SPATA13: variants seen among roughly 807,000 people sequenced by gnomAD.
SPATA13 encodes spermatogenesis associated 13.
In SPATA13, 50 loss-of-function variants were observed where a neutral mutation model predicts 104.0. That is an observed-to-expected ratio of 0.48 (90% CI 0.38 to 0.61). The LOEUF is 0.61. SPATA13 is among the 20% of genes least tolerant of loss of function. The pLI is 0.00. For synonymous variants in SPATA13, 606 were observed against 667.5 expected, an observed-to-expected ratio of 0.91 and a Z score of 1.42; for missense variants, 1,524 against 1,690.6, an observed-to-expected ratio of 0.90 and a Z score of 1.73.
chr13:23,999,790 T>A (rs1379731631), intron 2 of SPATA13, among the ~76,000 whole-genome samples: 2 of 152,254 alleles, frequency 1.3e-5, no homozygotes, highest in East Asian at 3.8e-4. Context: ...ATATGGTTCC[T>A]ATTACTTCAT....
In SPATA13 at chr13:24,051,086, C is replaced by A. The variant is rs548231135; in HGVS notation, c.-112+33385C>A. Among the ~76,000 whole-genome samples, 3 of 152,168 alleles carry A rather than the reference C, an allele frequency of 2.0e-5. No individual in the cohort carries two copies. Among genetic ancestry groups the A allele is most frequent in the African/African-American group, 7.2e-5 (3 of 41,440 alleles). ...CTGTGGGAGCACCTCTTTCCTTCTC[C>A]GGATTTCCCCCACCTTTTATGAATG... On this transcript the variant is annotated intron_variant, in intron 3 of 14. Transcript: ENST00000424834. The surrounding 1 kb of genome is among the most constrained non-coding windows in gnomAD (Gnocchi z 4.2).
intron 1 of SPATA13, among the ~76,000 whole-genome samples, chr13:24,183,755 G>A (rs1422502588): frequency 4.6e-5 from 7 of 152,066 alleles, no homozygotes; most frequent in African/African-American, 1.7e-4. Flanking sequence ...GCTAATGGTG[G>A]CCGTACCTGT....
At chr13:24,078,020 A>T (rs1320765476) in intron 3 of SPATA13, among the ~76,000 whole-genome samples, 1 of 151,750 alleles carries the variant, frequency 6.6e-6, no homozygotes, top group East Asian at 1.9e-4. Context: ...CCCCACACTA[A>T]CTTTGCAAAC....
At chr13:24,147,430 G>A (rs898748697) in intron 3 of SPATA13, among the ~76,000 whole-genome samples, 1 of 152,152 alleles carries the variant, frequency 6.6e-6, no homozygotes, top group Non-Finnish European at 1.5e-5. Flanking sequence ...TGCCCTACAC[G>A]TTAATGCTGG....
At chr13:24,248,845 T>C (rs571301772) in intron 2 of SPATA13, among the ~76,000 whole-genome samples, 4 of 152,154 alleles carry the variant, frequency 2.6e-5, no homozygotes, top group South Asian at 4.1e-4. Context: ...ATGATAGTTA[T>C]AAAGTTCATT....
intron 2 of SPATA13, among the ~76,000 whole-genome samples, chr13:24,232,564 C>T (rs1180188544): frequency 6.6e-6 from 1 of 152,134 alleles, no homozygotes; most frequent in Non-Finnish European, 1.5e-5. Context: ...TTTTTTGAGA[C>T]AGGGTCTCAC....
intron 3 of SPATA13, among the ~76,000 whole-genome samples, chr13:24,125,065 C>T (rs1371379203): frequency 5.9e-5 from 9 of 152,204 alleles, no homozygotes. Flanking sequence ...CTCCCAATGG[C>T]CCCATTGTCT....
At chr13:24,133,198 A>G (rs1881443375) in intron 3 of SPATA13, among the ~76,000 whole-genome samples, 1 of 152,132 alleles carries the variant, frequency 6.6e-6, no homozygotes, top group African/African-American at 2.4e-5. Context: ...ACCAGATGAT[A>G]GCACAGAGAT....
intron 1 of SPATA13, among the ~76,000 whole-genome samples, chr13:23,980,921 T>A (rs1874863656): frequency 6.6e-6 from 1 of 152,188 alleles, no homozygotes; most frequent in Non-Finnish European, 1.5e-5. Flanking sequence ...TACGTTGTAT[T>A]TCCTCGTTTT....
intron 3 of SPATA13, among the ~76,000 whole-genome samples, chr13:24,151,383 C>T (rs1030996430): frequency 1.3e-5 from 2 of 152,202 alleles, no homozygotes; most frequent in Admixed American, 6.5e-5. Flanking sequence ...ATGATAAACT[C>T]TCCCTGGTTT....
intron 3 of SPATA13, among the ~76,000 whole-genome samples, chr13:24,084,768 C>G (rs1174279442): frequency 2.0e-5 from 3 of 152,086 alleles, no homozygotes; most frequent in Non-Finnish European, 4.4e-5. Context: ...ATCTGTAATC[C>G]CAACACTGTG....
intron 2 of SPATA13, among the ~76,000 whole-genome samples, chr13:24,009,494 TC>T (rs1876374333): frequency 6.6e-6 from 1 of 152,202 alleles, no homozygotes; most frequent in African/African-American, 2.4e-5. Flanking sequence ...ACATGAGACT[TC>T]AGTCAAAGAC....
At chr13:23,996,622 G>A (rs1875707621) in intron 2 of SPATA13, among the ~76,000 whole-genome samples, 1 of 135,442 alleles carries the variant, frequency 7.4e-6, no homozygotes, top group African/African-American at 2.8e-5. Flanking sequence ...TTGGCTGATT[G>A]GCTGAGATTT....
At chr13:24,251,632 C>T (rs899243456) in intron 3 of SPATA13, 86 bp from the exon 4 acceptor site, 14 of 1,547,516 alleles carry the variant, frequency 9.0e-6, no homozygotes, top group African/African-American at 2.7e-5. Flanking sequence ...TGAGTGGCTT[C>T]GAGGTGAGAG....
rs1042783993 is a variant in SPATA13 at position 24,245,865 on chromosome 13, C to T, written c.1654-3612C>T. 2.4e-4 allele frequency among the ~76,000 whole-genome samples: 37 copies of T among 152,028 alleles called. 1 individual carries two copies. Among genetic ancestry groups the T allele is most frequent in the African/African-American group, 9.7e-5 (4 of 41,400 alleles). On this transcript the variant is annotated intron_variant, in intron 2 of 12. Coordinates refer to ENST00000382108, the MANE Select transcript of SPATA13 (RefSeq NM_001166271.3). ...GAGCCTCCCAAAGTGCTGGGATTAG[C>T]GGTGTGAACCACTGTGCTCCGGCCA...
At chr13:24,005,094 G>A (rs1397447708) in intron 2 of SPATA13, among the ~76,000 whole-genome samples, 1 of 152,164 alleles carries the variant, frequency 6.6e-6, no homozygotes, top group Non-Finnish European at 1.5e-5. Context: ...CTCAAAGTAA[G>A]TACTTTTCTG....
chr13:24,098,877 C>T (rs777040141), intron 3 of SPATA13, among the ~76,000 whole-genome samples: 14 of 146,596 alleles, frequency 9.6e-5, no homozygotes, highest in South Asian at 6.4e-4. Context: ...CAGTGAGCTG[C>T]GATCGCACCA....
chr13:24,262,661 T>C (rs1874112889), intron 4 of SPATA13, among the ~76,000 whole-genome samples: 1 of 152,202 alleles, frequency 6.6e-6, no homozygotes, highest in Non-Finnish European at 1.5e-5. Context: ...ACTAATATGA[T>C]CTGTCCCACA....
Position 24,284,261 on chromosome 13 carries a change from C to T in SPATA13, c.2291C>T (p.Ala764Val). The stretch of plus-strand genomic sequence containing the variant: ...CTGCAGCCCGGCGGGGAGCAGCTGG[C>T]CATCAATGAGGTACTGGAATTCCAC... The part of the protein sequence containing the change: ...RYLQPGGEQL[A>V]INELISDGNV... The change falls in exon 5 of 13, where the codon GCC becomes GTC. Residue 764 changes from alanine (A) to valine (V), a missense_variant. Around this residue, in one of 2 missense-constraint regions of SPATA13, gnomAD observed 1,089 missense variants for 1,135.9 expected, o/e 0.96. Coordinates refer to ENST00000382108, the MANE Select transcript of SPATA13 (RefSeq NM_001166271.3). 2 of 1,613,252 alleles carry T rather than the reference C, an allele frequency of 1.2e-6. No individual in the cohort carries two copies. The highest frequency in any genetic ancestry group is 1.7e-6 in the Non-Finnish European group (2 of 1,179,652).
Sources: gnomAD v4.1 joint callset for allele counts (sites outside exome capture counted in the v4.1 genomes callset) on GRCh38, gnomAD v4.1.1 for gene constraint, gnomAD v4.1.1 regional missense constraint, Gnocchi (gnomAD v3.1) non-coding constraint, MANE v1.5 for transcripts, NCBI Gene and HGNC (gene_info 2026-07-23, HGNC 2026-07-21) for gene names.